AGAP1: variants seen among roughly 807,000 people sequenced by gnomAD.
AGAP1 encodes arf-GAP with GTPase, ANK repeat and PH domain-containing protein 1.
Under a neutral mutation model 105.3 loss-of-function variants are expected in AGAP1, and 29 were observed. That is an observed-to-expected ratio of 0.28 (90% CI 0.21 to 0.38). The LOEUF is 0.38. AGAP1 is among the 10% of genes least tolerant of loss of function. The probability of loss-of-function intolerance (pLI) is 1.00; values close to 1 mark genes in which losing one functional copy is unlikely to be tolerated. For synonymous variants in AGAP1, 509 were observed against 485.9 expected, an observed-to-expected ratio of 1.05 and a Z score of -0.63; for missense variants, 998 against 1,165.1, an observed-to-expected ratio of 0.86 and a Z score of 2.09.
chr2:235,653,846 C>G, intron 1 of AGAP1, among the ~76,000 whole-genome samples: 1 of 152,126 alleles, frequency 6.6e-6, no homozygotes, highest in Non-Finnish European at 1.5e-5. Context: ...TATTTGAGGT[C>G]GGGAGTTCAA....
chr2:236,049,022 T>A (rs758925339), intron 15 of AGAP1, 37 bp from the exon 16 acceptor site: 2 of 1,570,860 alleles, frequency 1.3e-6, no homozygotes, highest in Non-Finnish European at 1.7e-6. Flanking sequence ...TGCATGATGG[T>A]CTGATTGCGT....
In AGAP1 at chr2:235,852,639, G is replaced by A. The variant is rs1021999552; in HGVS notation, c.1051-30706G>A. On this transcript the variant is annotated intron_variant, in intron 9 of 17. Transcript: ENST00000304032. ...AATTAATTAGCCATAACCCTCATCA[G>A]ATAAAGCAGTTGTGAAGAATTTTTT... is the stretch of plus-strand genomic sequence containing the variant. The A allele has an allele frequency of 8.5e-6, 12 of 1,407,442 alleles. No individual in the cohort carries two copies. The African/African-American group carries it at 1.6e-4, about 18-fold the overall frequency. The allele number at this position is 1,407,442 out of a possible 1,614,324, so 87.2% of individuals were successfully genotyped here.
rs575012892 is a variant in AGAP1 at position 235,663,927 on chromosome 2, A to ATTTTT, written c.164-45249_164-45248insTTTTT. 8.1e-4 allele frequency among the ~76,000 whole-genome samples: 123 copies of ATTTTT among 152,102 alleles called. No homozygotes were observed. Among genetic ancestry groups the ATTTTT allele is most frequent in the South Asian group, 3.7e-3 (18 of 4,820 alleles). ...TAGGAAGATTAGATAATGTGTAGGG[A>ATTTTT]TTTCTTGGTTTTTCTGCACAAAAGC... On this transcript the variant is annotated intron_variant, in intron 1 of 17. Coordinates refer to ENST00000304032, the MANE Select transcript of AGAP1 (RefSeq NM_001037131.3). The surrounding 1 kb of genome is among the most constrained non-coding windows in gnomAD (Gnocchi z 5.4).
In AGAP1 at chr2:236,009,180, G is replaced by T. The variant is rs116089663; in HGVS notation, c.1646-27381G>T. 0.018 allele frequency among the ~76,000 whole-genome samples: 2,791 copies of T among 152,304 alleles called. 84 individuals carry two copies. Among genetic ancestry groups the T allele is most frequent in the African/African-American group, 0.063 (2,639 of 41,562 alleles). On this transcript the variant is annotated intron_variant, in intron 13 of 17. Transcript: ENST00000304032. The surrounding 1 kb of genome is among the most constrained non-coding windows in gnomAD (Gnocchi z 4.2). The stretch of plus-strand genomic sequence containing the variant: ...TCTGGGTTGCATCTTATGAAAAAAA[G>T]AAATCCACTGCCTTTTTATAAGAGA...
intron 1 of AGAP1, among the ~76,000 whole-genome samples, chr2:235,645,192 G>A (rs368777963): frequency 2.6e-5 from 4 of 152,124 alleles, no homozygotes; most frequent in East Asian, 3.9e-4. Context: ...CACTGCACCC[G>A]GCCAAGGTGT....
chr2:235,582,744 G>T lies in AGAP1; in HGVS notation c.163+87895G>T, dbSNP rs887652013. Among the ~76,000 whole-genome samples, 3 of 152,224 alleles carry T rather than the reference G, an allele frequency of 2.0e-5. No homozygotes were observed. The highest frequency in any genetic ancestry group is 2.0e-4 in the Admixed American group (3 of 15,286). ...AGAGAGGGGGCTCGTGGTCCTTCTT[G>T]GGCTCTCATTGCTGTTAGCAGGAGT... is the stretch of plus-strand genomic sequence containing the variant. On this transcript the variant is annotated intron_variant, in intron 1 of 17. Transcript: ENST00000304032. This position sits in a 1 kb window ranked among gnomAD's most constrained non-coding sequence, Gnocchi z 4.7.
chr2:235,859,357 C>T (rs2048819000), intron 9 of AGAP1, among the ~76,000 whole-genome samples: 1 of 150,688 alleles, frequency 6.6e-6, no homozygotes, highest in African/African-American at 2.4e-5. Context: ...CGGTGAGAAC[C>T]CCCATCCTGA....
chr2:236,114,087 G>T lies in AGAP1; in HGVS notation c.2115-6105G>T, dbSNP rs980211069. ...TGAGGAACTGGGCCCCCTCCTTTCT[G>T]CTGACGGCCGGCCGCGCCAATAATT... On this transcript the variant is annotated intron_variant, in intron 16 of 17. Coordinates refer to ENST00000304032, the MANE Select transcript of AGAP1 (RefSeq NM_001037131.3). This position sits in a 1 kb window ranked among gnomAD's most constrained non-coding sequence, Gnocchi z 5.0. Among the ~76,000 whole-genome samples, 1 of 152,042 alleles carries T rather than the reference G, an allele frequency of 6.6e-6. No individual in the cohort carries two copies. Among genetic ancestry groups the T allele is most frequent in the African/African-American group, 2.4e-5 (1 of 41,404 alleles).
At chr2:235,522,878 G>C (rs1445029962) in intron 1 of AGAP1, among the ~76,000 whole-genome samples, 1 of 152,204 alleles carries the variant, frequency 6.6e-6, no homozygotes, top group Non-Finnish European at 1.5e-5. Context: ...GAGAAGGATA[G>C]ATCCTTCTGA....
In AGAP1 at chr2:236,064,969, T is replaced by C. The variant is rs731651; in HGVS notation, c.2114+15688T>C. Among the ~76,000 whole-genome samples the C allele has an allele frequency of 2.4e-3, 373 of 152,312 alleles. 2 individuals carry two copies. The highest frequency in any genetic ancestry group is 0.01 in the Admixed American group (157 of 15,300). On this transcript the variant is annotated intron_variant, in intron 16 of 17. Transcript: ENST00000304032. Reference sequence around the variant, plus strand: ...TGTGTTACTTTTTCATTGTTTTCTTTCCAAAAACTAAAGTTAGGGTCATGA... The same window carrying C: ...TGTGTTACTTTTTCATTGTTTTCTTCCCAAAAACTAAAGTTAGGGTCATGA...
At chr2:235,730,765 G>A (rs985851726) in intron 3 of AGAP1, among the ~76,000 whole-genome samples, 1 of 152,188 alleles carries the variant, frequency 6.6e-6, no homozygotes, top group Non-Finnish European at 1.5e-5. Flanking sequence ...GACAGTGGGA[G>A]ATGCTGAAAT....
At chr2:235,859,844 G>A (rs771804910) in intron 9 of AGAP1, among the ~76,000 whole-genome samples, 2 of 152,104 alleles carry the variant, frequency 1.3e-5, no homozygotes, top group Non-Finnish European at 1.5e-5. Flanking sequence ...CTCCTCTTTC[G>A]CCAGCAAGAG....
At chr2:235,648,398 C>A (rs1475949285) in intron 1 of AGAP1, among the ~76,000 whole-genome samples, 1 of 152,190 alleles carries the variant, frequency 6.6e-6, no homozygotes, top group Non-Finnish European at 1.5e-5. Flanking sequence ...CTCTTGGAAC[C>A]ATGAAGAGTC....
chr2:235,772,090 G>A (rs1205959525), intron 6 of AGAP1, among the ~76,000 whole-genome samples: 1 of 149,908 alleles, frequency 6.7e-6, no homozygotes, highest in African/African-American at 2.4e-5. Context: ...CCGCCTCCGA[G>A]TTCAAGTGAT....
rs921181394 is a variant in AGAP1, at chr2:235,981,993, T to C, written c.1645+13370T>C. On this transcript the variant is annotated intron_variant, in intron 13 of 17. Transcript: ENST00000304032. This position sits in a 1 kb window ranked among gnomAD's most constrained non-coding sequence, Gnocchi z 5.5. Reference sequence around the variant, plus strand: ...TTTATTATGGGTTATCTGAAGAGTGTTTCTTAATTTTAATAAGTTAATATT... The same window carrying C: ...TTTATTATGGGTTATCTGAAGAGTGCTTCTTAATTTTAATAAGTTAATATT... Among the ~76,000 whole-genome samples, 4 of 152,218 alleles carry C rather than the reference T, an allele frequency of 2.6e-5. No homozygotes were observed. The highest frequency in any genetic ancestry group is 9.6e-5 in the African/African-American group (4 of 41,452).
intron 10 of AGAP1, among the ~76,000 whole-genome samples, chr2:235,896,520 A>G (rs773026251): frequency 9.2e-4 from 140 of 152,198 alleles, no homozygotes; most frequent in Non-Finnish European, 1.5e-3. Context: ...GTCATGGTAC[A>G]TTTGCTGGGC....
chr2:235,563,083 G>A (rs538888334), intron 1 of AGAP1, among the ~76,000 whole-genome samples: 31 of 152,212 alleles, frequency 2.0e-4, no homozygotes, highest in African/African-American at 7.2e-4. Flanking sequence ...AATAAGTACA[G>A]TCGCTTTGCC....
intron 10 of AGAP1, among the ~76,000 whole-genome samples, chr2:235,886,922 G>T (rs2050300995): frequency 6.6e-6 from 1 of 152,180 alleles, no homozygotes; most frequent in African/African-American, 2.4e-5. Flanking sequence ...TAGGGGAAGT[G>T]CTGACCCACA....
At position 236,055,504 on chromosome 2, in the gene AGAP1, C is replaced by T. The variant is rs964611001; in HGVS notation, c.2114+6223C>T. On this transcript the variant is annotated intron_variant, in intron 16 of 17. Coordinates refer to ENST00000304032, the MANE Select transcript of AGAP1 (RefSeq NM_001037131.3). This position sits in a 1 kb window ranked among gnomAD's most constrained non-coding sequence, Gnocchi z 6.2. ...AATTGGCAGGAGCCCCCGAAAATGA[C>T]AGTACCACTAATTGCAACTCAAAGT... Among the ~76,000 whole-genome samples, 1 of 152,226 alleles carries T rather than the reference C, an allele frequency of 6.6e-6. No homozygotes were observed. The highest frequency in any genetic ancestry group is 1.5e-5 in the Non-Finnish European group (1 of 68,036).
Sources: allele counts gnomAD v4.1 joint callset (sites outside exome capture counted in the v4.1 genomes callset), GRCh38; gene constraint gnomAD v4.1.1; non-coding constraint Gnocchi (gnomAD v3.1); transcripts MANE v1.5; gene names NCBI Gene and HGNC (gene_info 2026-07-23, HGNC 2026-07-21).